The following MEI1 variants were observed in gnomAD, a reference collection of about 807,000 sequenced individuals.
MEI1 encodes meiotic double-stranded break formation protein 1.
Under a neutral mutation model 146.2 loss-of-function variants are expected in MEI1, and 103 were observed. The observed-to-expected ratio is 0.70, with a 90% CI of 0.60 to 0.83. MEI1 has a LOEUF of 0.83. Ranked by LOEUF, MEI1 falls within the 40% of genes least tolerant of loss-of-function variation. The pLI is 0.00. For missense variants in MEI1, 1,529 were observed against 1,533.0 expected (o/e 1.00, Z 0.04); for synonymous variants, 652 against 628.2 (o/e 1.04, Z -0.57).
At chr22:41,765,857 G>GTCAAATT (rs1054682850) in intron 19 of MEI1, among the ~76,000 whole-genome samples, 2 of 141,928 alleles carry the variant, frequency 1.4e-5, no homozygotes, top group African/African-American at 5.2e-5. Context: ...GTCATCAATA[G>GTCAAATT]TCAAATTTCA....
chr22:41,715,040 C>G (rs933941360), intron 4 of MEI1, among the ~76,000 whole-genome samples: 2 of 152,054 alleles, frequency 1.3e-5, no homozygotes, highest in Non-Finnish European at 2.9e-5. Context: ...TCAATTATAT[C>G]ATAGTTATTT....
intron 1 of MEI1, among the ~76,000 whole-genome samples, chr22:41,701,761 G>A (rs912563312): frequency 1.3e-5 from 2 of 152,206 alleles, no homozygotes; most frequent in African/African-American, 4.8e-5. Context: ...GAGGAATTAG[G>A]AAAGGTTTCT....
chr22:41,761,953 C>T (rs767368793), intron 18 of MEI1, among the ~76,000 whole-genome samples: 4 of 152,142 alleles, frequency 2.6e-5, no homozygotes, highest in Non-Finnish European at 4.4e-5. Context: ...ATGTTTGTAC[C>T]GTGTATCAGT....
chr22:41,707,064 G>A (rs1271095416), intron 3 of MEI1, among the ~76,000 whole-genome samples: 2 of 151,592 alleles, frequency 1.3e-5, no homozygotes, highest in Non-Finnish European at 2.9e-5. Flanking sequence ...TTAGCCGGGC[G>A]CGGTGGCGGG....
At chr22:41,741,175 A>T (rs1174989728) in intron 11 of MEI1, among the ~76,000 whole-genome samples, 2 of 152,200 alleles carry the variant, frequency 1.3e-5, no homozygotes, top group Admixed American at 1.3e-4. Context: ...CCTGGGCTGC[A>T]TGCGGCCTGT....
chr22:41,718,156 A>G lies in MEI1; in HGVS notation c.615A>G (p.Leu205=), dbSNP rs146685300. 2.5e-4 allele frequency: 410 copies of G among 1,613,914 alleles called. 3 individuals carry two copies. In the African/African-American group the frequency reaches 4.4e-3, roughly 17 times the overall value. ...CTGTCTGTTACCTTTATGGGAAGCT[A>G]TACTCCTCACCAGTGGCAGCTGAGA... is the stretch of plus-strand genomic sequence containing the variant. ...QASVCYLYGK[L]YSSPVAAEML... Residue 205 remains leucine, a synonymous_variant, in exon 6 of 31, where the codon CTA becomes CTG. Coordinates refer to ENST00000401548, the MANE Select transcript of MEI1 (RefSeq NM_152513.4).
At chr22:41,709,371 G>A (rs577389292) in intron 3 of MEI1, 16 of 727,844 alleles carry the variant, frequency 2.2e-5, no homozygotes, top group Non-Finnish European at 4.1e-5. Flanking sequence ...TTTTAGGCTT[G>A]GGCTCTGGCT....
intron 3 of MEI1, among the ~76,000 whole-genome samples, chr22:41,711,039 A>G (rs1184095138): frequency 6.6e-6 from 1 of 152,306 alleles, no homozygotes; most frequent in East Asian, 1.9e-4. Flanking sequence ...CATTTTGACT[A>G]CCTGGTTACT....
In MEI1 at chr22:41,752,669, C is replaced by A. The variant is rs530038942; in HGVS notation, c.1853+18C>A. On this transcript the variant is annotated intron_variant, in intron 16 of 30. Coordinates refer to ENST00000401548, the MANE Select transcript of MEI1 (RefSeq NM_152513.4). ...GGTCTGAGGTATGTGTGGTCCCAGGCAAGATTGAGTGGCCAAGGGGCCAAT... is the reference window on the plus strand; with the variant it reads ...GGTCTGAGGTATGTGTGGTCCCAGGAAAGATTGAGTGGCCAAGGGGCCAAT... The A allele has an allele frequency of 1.9e-6, 3 of 1,583,560 alleles. No homozygotes were observed. Among genetic ancestry groups the A allele is most frequent in the African/African-American group, 1.3e-5 (1 of 74,434 alleles).
rs962525076 is a variant in MEI1, at chr22:41,798,556, C to T, written c.3780-698C>T. Among the ~76,000 whole-genome samples the T allele has an allele frequency of 5.0e-4, 75 of 148,606 alleles. 1 individual carries two copies. Among genetic ancestry groups the T allele is most frequent in the Middle Eastern group, 7.6e-3 (2 of 262 alleles). ...TCGCGCCACTGTACTCCAGCCTGGG[C>T]AACAGACCAAGACTCCGTCTCAAAA... On this transcript the variant is annotated intron_variant, in intron 30 of 30. Coordinates refer to ENST00000401548, the MANE Select transcript of MEI1 (RefSeq NM_152513.4).
chr22:41,780,617 G>A (rs2075709901), intron 22 of MEI1, among the ~76,000 whole-genome samples: 1 of 135,696 alleles, frequency 7.4e-6, no homozygotes, highest in Non-Finnish European at 1.5e-5. Flanking sequence ...GTCTCACTCT[G>A]TCACCCAGGT....
At chr22:41,794,066 A>T in intron 27 of MEI1, 156 bp downstream of exon 27, 1 of 734,178 alleles carries the variant, frequency 1.4e-6, no homozygotes, top group African/African-American at 1.8e-5. Context: ...CATGCCCATT[A>T]TACAGATGGG....
intron 1 of MEI1, among the ~76,000 whole-genome samples, chr22:41,700,309 T>C (rs1392091409): frequency 6.6e-6 from 1 of 152,196 alleles, no homozygotes; most frequent in Non-Finnish European, 1.5e-5. Context: ...TGGGTCCTCA[T>C]TGCCTACCGC....
Position 41,732,502 on chromosome 22 carries a change from A to T in MEI1, c.1230A>T (p.Ser410=), listed in dbSNP as rs765741067. The T allele has an allele frequency of 9.3e-6, 15 of 1,613,910 alleles. No individual in the cohort carries two copies. The Admixed American group carries it at 1.2e-4, about 13-fold the overall frequency. The change falls in exon 11 of 31, where the codon TCA becomes TCT. Residue 410 remains serine, a synonymous_variant. Transcript: ENST00000401548. ...QPEEIKLFTS[S]AMCRDAGRAL... ...AGGAGATCAAGCTGTTCACAAGCTC[A>T]GCCATGTGCAGAGATGCTGGCCGTG...
chr22:41,794,223 A>G, intron 27 of MEI1, 148 bp from the exon 28 acceptor site: 1 of 703,958 alleles, frequency 1.4e-6, no homozygotes, highest in Non-Finnish European at 2.5e-6. Flanking sequence ...TTAGAAGCCC[A>G]GGGAAGAAAG....
At chr22:41,717,612 T>C (rs1025712354) in intron 5 of MEI1, among the ~76,000 whole-genome samples, 66 of 149,190 alleles carry the variant, frequency 4.4e-4, no homozygotes, top group African/African-American at 1.6e-3. Flanking sequence ...TTTTCTTTTT[T>C]CTTTTCTTTT....
At chr22:41,786,745 G>T (rs1237349935) in intron 26 of MEI1, among the ~76,000 whole-genome samples, 1 of 152,216 alleles carries the variant, frequency 6.6e-6, no homozygotes, top group Admixed American at 6.5e-5. Flanking sequence ...AGGTGGACTG[G>T]TCCTAAGAGA....
chr22:41,705,006 G>A (rs776707208), intron 2 of MEI1, among the ~76,000 whole-genome samples: 9 of 151,926 alleles, frequency 5.9e-5, no homozygotes, highest in Non-Finnish European at 8.8e-5. Context: ...GAGCCACCGC[G>A]CCCGGCCAAT....
In MEI1 at chr22:41,778,667, G is replaced by C. The variant is rs759283771; in HGVS notation, c.2711-41G>C. On this transcript the variant is annotated intron_variant, in intron 21 of 30. Transcript: ENST00000401548. ...AGGGTGTCTGACCTTCAGGTGATCTGAGCATCAGGCTTCTTGCCCAGTCCT... is the reference window on the plus strand; with the variant it reads ...AGGGTGTCTGACCTTCAGGTGATCTCAGCATCAGGCTTCTTGCCCAGTCCT... The C allele has an allele frequency of 6.7e-6, 10 of 1,491,276 alleles. No homozygotes were observed. The South Asian group carries it at 1.2e-4, about 18-fold the overall frequency. 92.4% of individuals were successfully genotyped at this position (1,491,276 alleles called of 1,614,324 possible).
Sources: allele counts gnomAD v4.1 joint callset (sites outside exome capture counted in the v4.1 genomes callset), GRCh38; gene constraint gnomAD v4.1.1; transcripts MANE v1.5; gene names NCBI Gene and HGNC (gene_info 2026-07-23, HGNC 2026-07-21).